Variants in MCTP1 observed in about 807,000 individuals in gnomAD.
MCTP1 encodes the protein multiple C2 and transmembrane domain containing 1, also known as multiple C2 and transmembrane domain-containing protein 1.
MCTP1 carries 69 observed loss-of-function variants against 120.6 expected under a neutral mutation model. The ratio of observed to expected loss-of-function variants is 0.57; its 90% CI spans 0.47 to 0.70. The LOEUF is 0.70. Ranked by LOEUF, MCTP1 falls within the 30% of genes least tolerant of loss-of-function variation. The pLI is 0.00. For synonymous variants in MCTP1, 529 were observed against 493.1 expected (o/e 1.07, Z -0.96); for missense variants, 1,203 against 1,248.8 (o/e 0.96, Z 0.55).
intron 1 of MCTP1, among the ~76,000 whole-genome samples, chr5:95,268,370 T>C (rs545010800): frequency 6.6e-6 from 1 of 152,310 alleles, no homozygotes; most frequent in East Asian, 1.9e-4. Context: ...GGTTGGTTTA[T>C]TATATAGAAC....
At chr5:94,753,137 A>G (rs1176560887) in intron 19 of MCTP1, among the ~76,000 whole-genome samples, 3 of 152,208 alleles carry the variant, frequency 2.0e-5, no homozygotes, top group African/African-American at 7.2e-5. Context: ...TTGACCCCAC[A>G]GTGGAGGAGT....
chr5:94,709,888 T>G (rs928595118), intron 21 of MCTP1: 1 of 152,144 alleles, frequency 6.6e-6, no homozygotes, highest in African/African-American at 2.4e-5. Flanking sequence ...AGCGGAGGGC[T>G]TGGAGTCATC....
At position 95,103,428 on chromosome 5, in the gene MCTP1, G is replaced by C. The variant is rs369832033; in HGVS notation, c.721-85944C>G. Among the ~76,000 whole-genome samples the C allele has an allele frequency of 1.2e-4, 19 of 152,218 alleles. No homozygotes were observed. The East Asian group carries it at 3.5e-3, about 28-fold the overall frequency. The stretch of plus-strand genomic sequence containing the variant: ...ATGGGAGACTGCAAATGCCAATTCT[G>C]ACCAAAATATGATGTGCAAGGGATA... On this transcript the variant is annotated intron_variant, in intron 1 of 22. Coordinates refer to ENST00000515393, the MANE Select transcript of MCTP1 (RefSeq NM_024717.7).
At chr5:94,968,578 C>T (rs1304677625) in intron 2 of MCTP1, among the ~76,000 whole-genome samples, 3 of 152,104 alleles carry the variant, frequency 2.0e-5, no homozygotes, top group African/African-American at 4.8e-5. Context: ...GGTTAATCTT[C>T]AATAAACATA....
intron 1 of MCTP1, among the ~76,000 whole-genome samples, chr5:95,245,479 T>C (rs1756656478): frequency 6.6e-6 from 1 of 152,132 alleles, no homozygotes; most frequent in African/African-American, 2.4e-5. Context: ...GAGAAGACCT[T>C]AAATGACCTG....
At chr5:95,081,594 G>C in intron 1 of MCTP1, 1 of 1,466,552 alleles carries the variant, frequency 6.8e-7, no homozygotes, top group South Asian at 1.4e-5. Context: ...CCAAGTGATA[G>C]CAACAGCCCT....
chr5:95,124,791 A>G (rs998368436), intron 1 of MCTP1, among the ~76,000 whole-genome samples: 9 of 152,242 alleles, frequency 5.9e-5, no homozygotes, highest in African/African-American at 1.7e-4. Context: ...TTCACTAGGA[A>G]TATAAAAAGT....
chr5:95,150,562 A>G (rs1760795881), intron 1 of MCTP1, among the ~76,000 whole-genome samples: 1 of 152,226 alleles, frequency 6.6e-6, no homozygotes, highest in South Asian at 2.1e-4. Context: ...AATTAACAAC[A>G]ACAAAAAATC....
intron 17 of MCTP1, among the ~76,000 whole-genome samples, chr5:94,834,826 T>C (rs1380620758): frequency 6.7e-6 from 1 of 149,714 alleles, no homozygotes; most frequent in African/African-American, 2.5e-5. Flanking sequence ...TTTTTTTTTT[T>C]TTTTTTTTGA....
At chr5:95,056,041 A>G (rs141152949) in intron 1 of MCTP1, among the ~76,000 whole-genome samples, 3 of 152,342 alleles carry the variant, frequency 2.0e-5, no homozygotes, top group Admixed American at 1.3e-4. Flanking sequence ...CATGCACACT[A>G]TGTAATTCAG....
At chr5:95,055,912 C>T (rs531961067) in intron 1 of MCTP1, among the ~76,000 whole-genome samples, 2 of 152,230 alleles carry the variant, frequency 1.3e-5, no homozygotes, top group East Asian at 1.9e-4. Flanking sequence ...CTACCATGAT[C>T]GTCTATAATA....
intron 17 of MCTP1, among the ~76,000 whole-genome samples, chr5:94,849,139 T>C (rs1793129529): frequency 6.6e-6 from 1 of 152,144 alleles, no homozygotes; most frequent in Non-Finnish European, 1.5e-5. Context: ...TGGGAGTTTA[T>C]AATTTTTTTG....
At position 94,884,001 on chromosome 5, in the gene MCTP1, C is replaced by A. The variant is rs116858934; in HGVS notation, c.1933+4878G>T. Among the ~76,000 whole-genome samples, 182 of 152,278 alleles carry A rather than the reference C, an allele frequency of 1.2e-3. 4 individuals are homozygous for A. The East Asian group carries it at 0.032, about 26-fold the overall frequency. On this transcript the variant is annotated intron_variant, in intron 12 of 22. Transcript: ENST00000515393. ...GTACAGCTGCCTTTTCATTTTCTTTCTCTGAATAGACCCATAATGTTCAGG... is the reference window on the plus strand; with the variant it reads ...GTACAGCTGCCTTTTCATTTTCTTTATCTGAATAGACCCATAATGTTCAGG...
At chr5:94,756,632 A>C (rs1053961119) in intron 19 of MCTP1, among the ~76,000 whole-genome samples, 1 of 152,198 alleles carries the variant, frequency 6.6e-6, no homozygotes, top group Non-Finnish European at 1.5e-5. Flanking sequence ...CGGGAGGTAT[A>C]AATATCAGAG....
intron 1 of MCTP1, among the ~76,000 whole-genome samples, chr5:95,223,474 A>G (rs1474497032): frequency 6.6e-6 from 1 of 152,066 alleles, no homozygotes; most frequent in Non-Finnish European, 1.5e-5. Context: ...AATAAAATAA[A>G]ATAAAATAAA....
intron 1 of MCTP1, among the ~76,000 whole-genome samples, chr5:95,209,926 T>C: frequency 6.6e-6 from 1 of 152,248 alleles, no homozygotes; most frequent in East Asian, 1.9e-4. Context: ...CATTTCGTTA[T>C]GTACCCAGCA....
Position 94,770,461 on chromosome 5 carries a change from A to C in MCTP1, c.2610+8649T>G, listed in dbSNP as rs1773804535. Among the ~76,000 whole-genome samples, 4 of 152,248 alleles carry C rather than the reference A, an allele frequency of 2.6e-5. No individual in the cohort carries two copies. In the South Asian group the frequency reaches 8.3e-4, roughly 31 times the overall value. On this transcript the variant is annotated intron_variant, in intron 19 of 22. Coordinates refer to ENST00000515393, the MANE Select transcript of MCTP1 (RefSeq NM_024717.7). Reference sequence around the variant, plus strand: ...CTTTTTTTGAGGCAAAGAAAATCCAACTATCAGAATAACCCAAAAGGAAAG... The same window carrying C: ...CTTTTTTTGAGGCAAAGAAAATCCACCTATCAGAATAACCCAAAAGGAAAG...
chr5:95,137,141 T>G (rs1239835534), intron 1 of MCTP1, among the ~76,000 whole-genome samples: 2 of 152,244 alleles, frequency 1.3e-5, no homozygotes, highest in East Asian at 3.9e-4. Context: ...AACAGCCTTA[T>G]GAAATCTAGT....
intron 5 of MCTP1, among the ~76,000 whole-genome samples, chr5:94,932,209 T>C (rs1814885419): frequency 9.9e-6 from 1 of 101,494 alleles, no homozygotes; most frequent in Non-Finnish European, 2.0e-5. Context: ...GATTTATTCC[T>C]TTGTAAAAAA....
Sources: gnomAD v4.1 joint callset for allele counts (sites outside exome capture counted in the v4.1 genomes callset) on GRCh38, gnomAD v4.1.1 for gene constraint, MANE v1.5 for transcripts, NCBI Gene and HGNC (gene_info 2026-07-23, HGNC 2026-07-21) for gene names.